The following FUT8 variants were observed in gnomAD, a reference collection of about 807,000 sequenced individuals.
FUT8 encodes fucosyltransferase 8, also known as alpha-(1,6)-fucosyltransferase.
Under a neutral mutation model 71.3 loss-of-function variants are expected in FUT8, and 29 were observed. That is an observed-to-expected ratio of 0.41 (90% CI 0.30 to 0.55). The LOEUF (loss-of-function observed/expected upper bound fraction) is 0.55. FUT8 is among the 20% of genes least tolerant of loss of function. The probability of loss-of-function intolerance (pLI) is 0.34; values close to 1 mark genes in which losing one functional copy is unlikely to be tolerated. For synonymous variants in FUT8, 254 were observed against 239.3 expected (o/e 1.06, Z -0.57); for missense variants, 544 against 702.1 (o/e 0.77, Z 2.55).
chr14:65,521,913 A>G (rs760530396), intron 2 of FUT8, among the ~76,000 whole-genome samples: 1 of 151,540 alleles, frequency 6.6e-6, no homozygotes, highest in East Asian at 1.9e-4. Flanking sequence ...ATTTCAAGCT[A>G]CAGAGGTCTT....
At chr14:65,677,328 A>T (rs1370859476) in intron 7 of FUT8, among the ~76,000 whole-genome samples, 1 of 152,080 alleles carries the variant, frequency 6.6e-6, no homozygotes, top group Admixed American at 6.5e-5. Flanking sequence ...TGCTTCCCCA[A>T]ATACAAAGAT....
At chr14:65,538,873 A>G (rs1884504450) in intron 2 of FUT8, among the ~76,000 whole-genome samples, 1 of 152,192 alleles carries the variant, frequency 6.6e-6, no homozygotes, top group Non-Finnish European at 1.5e-5. Flanking sequence ...GTGAGCCAAG[A>G]TCGCGCCATT....
At chr14:65,447,035 T>C (rs537430422) in intron 1 of FUT8, among the ~76,000 whole-genome samples, 1 of 152,192 alleles carries the variant, frequency 6.6e-6, no homozygotes, top group African/African-American at 2.4e-5. Context: ...TCAGCTCTTA[T>C]AATCTGAAAA....
chr14:65,409,844 T>C (rs1017023021), upstream of FUT8, among the ~76,000 whole-genome samples: 4 of 152,238 alleles, frequency 2.6e-5, no homozygotes, highest in African/African-American at 4.8e-5. The surrounding 1 kb of genome is among the most constrained non-coding windows in gnomAD (Gnocchi z 5.4). Flanking sequence ...GTCTAATCTT[T>C]TGTTGAACAG....
At chr14:65,509,656 A>G (rs190125667) in intron 2 of FUT8, among the ~76,000 whole-genome samples, 22 of 151,926 alleles carry the variant, frequency 1.4e-4, no homozygotes, top group Non-Finnish European at 2.8e-4. Context: ...ATTCCTAGGT[A>G]TGTATTTATT....
rs775127340 is a variant in FUT8 at position 65,615,934 on chromosome 14, C to T, written c.204-44C>T. ...GAAAGTGAGCTTGTATTTTGTTGCA[C>T]AGTTTGAAAGCTAAATGTTTACATT... On this transcript the variant is annotated intron_variant, in intron 3 of 10. Coordinates refer to ENST00000673929, the MANE Select transcript of FUT8 (RefSeq NM_001371533.1). 4 of 1,360,784 alleles carry T rather than the reference C, an allele frequency of 2.9e-6. 1 individual carries two copies. The South Asian group carries it at 3.8e-5, about 13-fold the overall frequency. 84.3% of individuals were successfully genotyped at this position (1,360,784 alleles called of 1,614,324 possible).
chr14:65,453,736 T>C (rs1316514446), intron 1 of FUT8, among the ~76,000 whole-genome samples: 2 of 152,186 alleles, frequency 1.3e-5, no homozygotes, highest in Non-Finnish European at 2.9e-5. Context: ...TTGTCTGACT[T>C]TATGGAACTT....
intron 3 of FUT8, among the ~76,000 whole-genome samples, chr14:65,589,969 C>T (rs759897674): frequency 3.4e-4 from 52 of 152,196 alleles, no homozygotes; most frequent in Admixed American, 2.6e-4. Flanking sequence ...CCCAACCCCT[C>T]AGTTTCTCTT....
At chr14:65,513,474 T>C (rs1342091650) in intron 2 of FUT8, among the ~76,000 whole-genome samples, 2 of 151,552 alleles carry the variant, frequency 1.3e-5, no homozygotes, top group Admixed American at 1.3e-4. Flanking sequence ...AGATAGGAAA[T>C]GACAGTCGTG....
At chr14:65,596,747 A>G (rs567423288) in intron 3 of FUT8, among the ~76,000 whole-genome samples, 1 of 152,166 alleles carries the variant, frequency 6.6e-6, no homozygotes, top group African/African-American at 2.4e-5. Context: ...ATGAAATCAT[A>G]GTTTAAAATG....
At chr14:65,731,150 A>G (rs898471343) in intron 9 of FUT8, among the ~76,000 whole-genome samples, 1 of 152,228 alleles carries the variant, frequency 6.6e-6, no homozygotes, top group Non-Finnish European at 1.5e-5. Flanking sequence ...TACAAAGTCA[A>G]AATATAATGT....
At chr14:65,458,791 CTTTT>C (rs748466416) in intron 2 of FUT8, among the ~76,000 whole-genome samples, 3 of 135,550 alleles carry the variant, frequency 2.2e-5, no homozygotes, top group Non-Finnish European at 3.2e-5. Flanking sequence ...TCTTTTCTTT[CTTTT>C]TTTTTTTTTT....
intron 1 of FUT8, among the ~76,000 whole-genome samples, chr14:65,441,683 G>C (rs113569382): frequency 6.7e-5 from 10 of 149,578 alleles, no homozygotes; most frequent in African/African-American, 2.5e-4. Context: ...AATCCGGGAG[G>C]CAGAGGTTGC....
chr14:65,402,950 A>T, the FUT8 span, among the ~76,000 whole-genome samples: 25 of 152,336 alleles, frequency 1.6e-4, no homozygotes, highest in South Asian at 5.2e-3. Flanking sequence ...CTTGCTTTAA[A>T]TACCAACAGT....
chr14:65,490,237 T>C (rs1789074579), intron 2 of FUT8, among the ~76,000 whole-genome samples: 1 of 152,034 alleles, frequency 6.6e-6, no homozygotes, highest in African/African-American at 2.4e-5. Context: ...TTTGGTAAGC[T>C]CAGGATTTCT....
intron 7 of FUT8, among the ~76,000 whole-genome samples, chr14:65,683,189 A>G (rs140524469): frequency 1.3e-5 from 2 of 151,850 alleles, no homozygotes; most frequent in Admixed American, 6.6e-5. Context: ...AATTTTTTGT[A>G]TTTTTAATAT....
At chr14:65,358,183 A>G in the FUT8 span, among the ~76,000 whole-genome samples, 3 of 152,198 alleles carry the variant, frequency 2.0e-5, no homozygotes, top group African/African-American at 7.2e-5. Context: ...TTGGAAGAGA[A>G]GATTTTGAGT....
chr14:65,561,689 A>G lies in FUT8; in HGVS notation c.126A>G (p.Glu42=). 6.2e-7 allele frequency: 1 copy of G among 1,613,598 alleles called. No individual in the cohort carries two copies. Among genetic ancestry groups the G allele is most frequent in the Non-Finnish European group, 8.5e-7 (1 of 1,179,632 alleles). The change falls in exon 3 of 11, where the codon GAA becomes GAG. Residue 42 remains glutamate, a synonymous_variant. Transcript: ENST00000673929. The stretch of plus-strand genomic sequence containing the variant: ...ACCATCCTGATCACTCTAGCCGAGA[A>G]CTGTCCAAGATTCTGGCAAAGCTTG... ...DNDHPDHSSR[E]LSKILAKLER...
At chr14:65,575,096 T>C (rs1193607428) in intron 3 of FUT8, among the ~76,000 whole-genome samples, 1 of 151,394 alleles carries the variant, frequency 6.6e-6, no homozygotes, top group Non-Finnish European at 1.5e-5. Flanking sequence ...TTTTATTTAT[T>C]AATTTATTTT....
Sources: allele counts gnomAD v4.1 joint callset (sites outside exome capture counted in the v4.1 genomes callset), GRCh38; gene constraint gnomAD v4.1.1; non-coding constraint Gnocchi (gnomAD v3.1); transcripts MANE v1.5; gene names NCBI Gene and HGNC (gene_info 2026-07-23, HGNC 2026-07-21).